CHODL: variants seen among roughly 807,000 people sequenced by gnomAD.
CHODL encodes transmembrane protein MT75.
CHODL carries 29 observed loss-of-function variants against 34.5 expected under a neutral mutation model. That is an observed-to-expected ratio of 0.84 (90% CI 0.63 to 1.15). The LOEUF (loss-of-function observed/expected upper bound fraction) is 1.15, where lower values mean the gene tolerates loss of function less well. CHODL is among the 50% of genes most tolerant of loss of function. The probability of loss-of-function intolerance (pLI) is 0.00; values close to 1 mark genes in which losing one functional copy is unlikely to be tolerated. For missense variants in CHODL, 332 were observed against 332.5 expected (o/e 1.00, Z 0.01); for synonymous variants, 125 against 116.1 (o/e 1.08, Z -0.49).
At chr21:18,235,596 C>T (rs1475233177) in intron 2 of CHODL, among the ~76,000 whole-genome samples, 1 of 152,058 alleles carries the variant, frequency 6.6e-6, no homozygotes, top group Non-Finnish European at 1.5e-5. Context: ...AAGTAGTAGT[C>T]ACCAAGGATA....
chr21:18,111,188 A>C (rs2065346535), intron 2 of CHODL, among the ~76,000 whole-genome samples: 1 of 152,204 alleles, frequency 6.6e-6, no homozygotes, highest in Non-Finnish European at 1.5e-5. Context: ...CAGAGTGACT[A>C]ATAATATATT....
chr21:18,064,232 T>C (rs892908803), intron 2 of CHODL, among the ~76,000 whole-genome samples: 5 of 149,030 alleles, frequency 3.4e-5, no homozygotes, highest in Non-Finnish European at 6.0e-5. Flanking sequence ...CCCATTTCAA[T>C]TGTGTCATAC....
chr21:18,228,132 T>C (rs2073947603), intron 2 of CHODL, among the ~76,000 whole-genome samples: 1 of 152,170 alleles, frequency 6.6e-6, no homozygotes, highest in African/African-American at 2.4e-5. Context: ...AGTCCTCTTA[T>C]GTACTGCATC....
intron 2 of CHODL, among the ~76,000 whole-genome samples, chr21:18,082,431 A>G (rs1455446015): frequency 9.5e-5 from 4 of 42,060 alleles, no homozygotes; most frequent in Non-Finnish European, 1.2e-4. Context: ...ACCTATTGCT[A>G]TAAAGATACT....
chr21:18,232,947 A>ATATATATATATG (rs2073994976), intron 2 of CHODL, among the ~76,000 whole-genome samples: 2 of 132,504 alleles, frequency 1.5e-5, no homozygotes, highest in African/African-American at 6.3e-5. Flanking sequence ...GTTATGATAT[A>ATATATATATATG]TATATATATA....
intron 1 of CHODL, among the ~76,000 whole-genome samples, chr21:17,999,058 C>T (rs958233903): frequency 2.6e-5 from 4 of 152,070 alleles, no homozygotes; most frequent in Admixed American, 1.3e-4. Context: ...TTGACAGCAC[C>T]CAAGTCACCT....
intron 2 of CHODL, among the ~76,000 whole-genome samples, chr21:18,236,133 A>G (rs537482356): frequency 1.1e-4 from 16 of 152,230 alleles, no homozygotes; most frequent in African/African-American, 3.6e-4. Flanking sequence ...GGAAGGCCTC[A>G]GGAAACTTAC....
chr21:17,920,544 A>G (rs1230585140), intron 1 of CHODL, among the ~76,000 whole-genome samples: 2 of 152,210 alleles, frequency 1.3e-5, no homozygotes. Context: ...GAATTATGGG[A>G]GTTACAATTC....
intron 2 of CHODL, among the ~76,000 whole-genome samples, chr21:18,091,820 G>A (rs538196048): frequency 9.2e-5 from 14 of 152,298 alleles, no homozygotes; most frequent in Admixed American, 2.6e-4. Context: ...AGAATGCCCC[G>A]TGGACCAGTA....
chr21:18,077,848 G>C (rs2064885137), intron 2 of CHODL, among the ~76,000 whole-genome samples: 1 of 152,084 alleles, frequency 6.6e-6, no homozygotes, highest in South Asian at 2.1e-4. Context: ...TGGACTATTG[G>C]AATAAGACAA....
At chr21:18,069,436 C>CATTGGTA (rs2064769762) in intron 2 of CHODL, among the ~76,000 whole-genome samples, 1 of 151,872 alleles carries the variant, frequency 6.6e-6, no homozygotes, top group Non-Finnish European at 1.5e-5. Context: ...CCAACAATGT[C>CATTGGTA]ATTGGTAATT....
intron 4 of CHODL, 75 bp downstream of exon 4, chr21:18,260,361 G>A (rs149870612): frequency 0.016 from 14,489 of 927,976 alleles, 149 homozygotes; most frequent in Non-Finnish European, 0.018. Context: ...GTTGACCCCA[G>A]TGAAACTTGT....
intron 2 of CHODL, among the ~76,000 whole-genome samples, chr21:18,203,530 A>G (rs1195300601): frequency 6.6e-6 from 1 of 152,132 alleles, no homozygotes; most frequent in Non-Finnish European, 1.5e-5. Context: ...GTTACAATTG[A>G]AAGTATAAAG....
intron 1 of CHODL, among the ~76,000 whole-genome samples, chr21:17,944,999 C>T (rs374918022): frequency 5.9e-5 from 9 of 152,046 alleles, no homozygotes; most frequent in African/African-American, 1.4e-4. Context: ...TCACAGGGTC[C>T]GGAGATCGAG....
At chr21:18,167,211 C>CTCTCTGTG in intron 2 of CHODL, among the ~76,000 whole-genome samples, 1 of 88,186 alleles carries the variant, frequency 1.1e-5, no homozygotes, top group South Asian at 3.8e-4. Context: ...TTCTCTCTCT[C>CTCTCTGTG]TGTGTGTGTG....
At chr21:18,155,943 A>G (rs1208880560) in intron 2 of CHODL, among the ~76,000 whole-genome samples, 1 of 152,206 alleles carries the variant, frequency 6.6e-6, no homozygotes, top group Non-Finnish European at 1.5e-5. Flanking sequence ...CCTGGAACCA[A>G]GCAATTTAAA....
chr21:18,138,215 TTTG>T (rs2146605989), intron 2 of CHODL, among the ~76,000 whole-genome samples: 1 of 152,222 alleles, frequency 6.6e-6, no homozygotes, highest in Non-Finnish European at 1.5e-5. Flanking sequence ...CTGTAAAATC[TTTG>T]TTGATTCCAT....
intron 2 of CHODL, among the ~76,000 whole-genome samples, chr21:18,215,212 A>AG: frequency 6.6e-6 from 1 of 151,222 alleles, no homozygotes; most frequent in East Asian, 1.9e-4. Context: ...AAAAAAAAAA[A>AG]GGTTTTATCA....
intron 2 of CHODL, among the ~76,000 whole-genome samples, chr21:18,149,612 C>T (rs2072939769): frequency 6.6e-6 from 1 of 152,196 alleles, no homozygotes; most frequent in African/African-American, 2.4e-5. Flanking sequence ...TTCTATATGT[C>T]AAGCTACATC....
Sources: gnomAD v4.1 joint callset for allele counts (sites outside exome capture counted in the v4.1 genomes callset) on GRCh38, gnomAD v4.1.1 for gene constraint, MANE v1.5 for transcripts, NCBI Gene and HGNC (gene_info 2026-07-23, HGNC 2026-07-21) for gene names.